Variants in VPS37A observed in about 807,000 individuals in gnomAD.
VPS37A encodes the protein VPS37A subunit of ESCRT-I.
In VPS37A, 30 loss-of-function variants were observed where a neutral mutation model predicts 49.8. The ratio of observed to expected loss-of-function variants is 0.60; its 90% CI spans 0.45 to 0.82. The LOEUF (loss-of-function observed/expected upper bound fraction) is 0.82, where lower values mean the gene tolerates loss of function less well. Among genes scored for constraint, VPS37A ranks in the 40% least tolerant of loss-of-function variants. VPS37A has a pLI of 0.00. For synonymous variants in VPS37A, 195 were observed against 160.6 expected (o/e 1.21, Z -1.62); for missense variants, 593 against 464.4 (o/e 1.28, Z -2.55).
chr8:17,297,752 G>A lies in VPS37A; in HGVS notation c.*2766G>A, dbSNP rs1816801964. 1 of 150,694 alleles carries A rather than the reference G, an allele frequency of 6.6e-6. No individual in the cohort carries two copies. Among genetic ancestry groups the A allele is most frequent in the South Asian group, 2.1e-4 (1 of 4,686 alleles). 9.3% of individuals were successfully genotyped at this position (150,694 alleles called of 1,614,324 possible). On this transcript the variant is annotated 3_prime_UTR_variant, in exon 12 of 12. Coordinates refer to ENST00000324849, the MANE Select transcript of VPS37A (RefSeq NM_152415.3). Reference sequence around the variant, plus strand: ...TTGTTGGGGATATTTTAGTCTTGTTGGGTTAGCCATGCTCTGAAGAATCTG... The same window carrying A: ...TTGTTGGGGATATTTTAGTCTTGTTAGGTTAGCCATGCTCTGAAGAATCTG...
intron 6 of VPS37A, among the ~76,000 whole-genome samples, chr8:17,278,982 C>G (rs1186325905): frequency 1.3e-5 from 2 of 152,060 alleles, no homozygotes; most frequent in African/African-American, 2.4e-5. Context: ...CTAGTTCTTT[C>G]ACCCTACAGA....
intron 9 of VPS37A, among the ~76,000 whole-genome samples, chr8:17,280,805 TAA>T (rs1447202205): frequency 6.6e-6 from 1 of 151,868 alleles, no homozygotes; most frequent in Non-Finnish European, 1.5e-5. Flanking sequence ...GTTCGCAAAT[TAA>T]AAAGAATAAT....
At chr8:17,311,979 A>C in the VPS37A span, 463 of 197,348 alleles carry the variant, frequency 2.3e-3, 1 homozygote, top group African/African-American at 0.01. Context: ...GAAATTCTGG[A>C]GTTGCTACTG....
At chr8:17,264,914 C>A (rs1009766113) in intron 1 of VPS37A, among the ~76,000 whole-genome samples, 1 of 152,060 alleles carries the variant, frequency 6.6e-6, no homozygotes, top group Non-Finnish European at 1.5e-5. Flanking sequence ...TATATGCCTG[C>A]AAATAACAAT....
At chr8:17,322,956 T>TA in the VPS37A span, among the ~76,000 whole-genome samples, 1 of 148,826 alleles carries the variant, frequency 6.7e-6, no homozygotes, top group South Asian at 2.1e-4. Context: ...TTATCTTTTT[T>TA]TTTTTTTTTT....
chr8:17,254,999 T>C (rs1343045682), intron 1 of VPS37A, among the ~76,000 whole-genome samples: 1 of 152,138 alleles, frequency 6.6e-6, no homozygotes, highest in Non-Finnish European at 1.5e-5. Flanking sequence ...ATGACATCAT[T>C]ATCTTGAATT....
At chr8:17,294,242 G>C (rs1052984173) in intron 11 of VPS37A, among the ~76,000 whole-genome samples, 1 of 152,168 alleles carries the variant, frequency 6.6e-6, no homozygotes, top group African/African-American at 2.4e-5. Context: ...CGGAGGCTTT[G>C]TTTACACTGT....
chr8:17,326,761 A>G, the VPS37A span, among the ~76,000 whole-genome samples: 44,448 of 151,842 alleles, frequency 0.29, 7,973 homozygotes, highest in African/African-American at 0.5. Flanking sequence ...CTTCCTGATG[A>G]GAACGCAGCC....
chr8:17,328,709 TA>T, the VPS37A span, among the ~76,000 whole-genome samples: 1 of 152,120 alleles, frequency 6.6e-6, no homozygotes, highest in Non-Finnish European at 1.5e-5. Context: ...CCCCAGAACT[TA>T]AAAATTTTAA....
chr8:17,266,900 G>A (rs1813515937), intron 2 of VPS37A, among the ~76,000 whole-genome samples: 1 of 152,096 alleles, frequency 6.6e-6, no homozygotes, highest in Non-Finnish European at 1.5e-5. Flanking sequence ...AGCTTCTTGA[G>A]TAGCTGGGAT....
chr8:17,282,860 C>G (rs1815217564), intron 9 of VPS37A, among the ~76,000 whole-genome samples: 1 of 152,152 alleles, frequency 6.6e-6, no homozygotes, highest in Admixed American at 6.5e-5. Context: ...GAAACCACTT[C>G]ATTAGACCAT....
In VPS37A at chr8:17,296,547, C is replaced by A. The variant is rs709848; in HGVS notation, c.*1561C>A. 0.7 allele frequency: 106,426 copies of A among 151,940 alleles called. 38,325 individuals carry two copies. Among genetic ancestry groups the A allele is most frequent in the African/African-American group, 0.86 (35,790 of 41,468 alleles). The allele number at this position is 151,940 out of a possible 1,614,324, so 9.4% of individuals were successfully genotyped here. A position where few individuals can be genotyped will look rare whatever the true frequency, so the allele number is the denominator to read the frequency against. On this transcript the variant is annotated 3_prime_UTR_variant, in exon 12 of 12. Coordinates refer to ENST00000324849, the MANE Select transcript of VPS37A (RefSeq NM_152415.3). ...AGAACAGTCTCAATCTTTTGCCAAC[C>A]ATCAGGTTCCTAGAAACCAGGTAGG...
At chr8:17,299,681 C>T, downstream of VPS37A, 1 of 739,274 alleles carries the variant, frequency 1.4e-6, no homozygotes, top group Non-Finnish European at 2.2e-6. Context: ...AATGAAATGA[C>T]TACGTCCTCT....
chr8:17,309,424 A>C, the VPS37A span: 3 of 832,740 alleles, frequency 3.6e-6, no homozygotes, highest in Non-Finnish European at 6.1e-6. Context: ...CACTTGCAGA[A>C]GTCCCCATCC....
At chr8:17,309,259 G>C in the VPS37A span, 1 of 1,456,218 alleles carries the variant, frequency 6.9e-7, no homozygotes, top group Admixed American at 1.8e-5. Context: ...ATTCAAAACA[G>C]TCTTAAATAT....
intron 11 of VPS37A, among the ~76,000 whole-genome samples, chr8:17,289,075 A>G (rs897141161): frequency 2.0e-5 from 3 of 151,744 alleles, no homozygotes; most frequent in Admixed American, 6.6e-5. Flanking sequence ...TTTCTTGTAA[A>G]TTTAAGTTCC....
At chr8:17,284,358 G>C in intron 9 of VPS37A, 115 bp from the exon 10 acceptor site, 1 of 1,218,004 alleles carries the variant, frequency 8.2e-7, no homozygotes, top group Non-Finnish European at 1.1e-6. Flanking sequence ...CTCAAAAAGA[G>C]GCTATATAGG....
At chr8:17,273,001 A>G (rs1416017929) in intron 4 of VPS37A, among the ~76,000 whole-genome samples, 1 of 134,496 alleles carries the variant, frequency 7.4e-6, no homozygotes, top group East Asian at 2.1e-4. Flanking sequence ...TTTTATATGA[A>G]TGGTAGCATA....
intron 9 of VPS37A, among the ~76,000 whole-genome samples, chr8:17,282,973 A>G (rs1413235394): frequency 6.6e-6 from 1 of 152,234 alleles, no homozygotes; most frequent in African/African-American, 2.4e-5. Context: ...TATTTAATGA[A>G]TAAATAACTG....
Sources: gnomAD v4.1 joint callset for allele counts (sites outside exome capture counted in the v4.1 genomes callset) on GRCh38, gnomAD v4.1.1 for gene constraint, MANE v1.5 for transcripts, NCBI Gene and HGNC (gene_info 2026-07-23, HGNC 2026-07-21) for gene names.